Variants in NAV3 observed in about 807,000 individuals in gnomAD.
NAV3 encodes the protein neuron navigator 3.
NAV3 carries 87 observed loss-of-function variants against 244.7 expected under a neutral mutation model. The observed-to-expected ratio is 0.36, with a 90% CI of 0.30 to 0.42. NAV3 has a LOEUF of 0.42. NAV3 is among the 20% of genes least tolerant of loss of function. The probability of loss-of-function intolerance (pLI) is 1.00; values close to 1 mark genes in which losing one functional copy is unlikely to be tolerated. For synonymous variants in NAV3, 1,126 were observed against 1,042.2 expected, an observed-to-expected ratio of 1.08 and a Z score of -1.55; for missense variants, 2,663 against 2,893.3, an observed-to-expected ratio of 0.92 and a Z score of 1.83.
chr12:77,894,760 T>C (rs1884372958), intron 1 of NAV3, among the ~76,000 whole-genome samples: 1 of 152,168 alleles, frequency 6.6e-6, no homozygotes, highest in Admixed American at 6.5e-5. Context: ...ACAGGCTCTG[T>C]ATGAAAGGGA....
At chr12:78,147,690 T>TTCTC (rs1956919852) in intron 21 of NAV3, among the ~76,000 whole-genome samples, 1 of 151,786 alleles carries the variant, frequency 6.6e-6, no homozygotes, top group African/African-American at 2.4e-5. Flanking sequence ...CAGCTTAGAG[T>TTCTC]TCTCTACTTT....
chr12:78,040,730 A>C (rs565572433), intron 9 of NAV3, among the ~76,000 whole-genome samples: 2 of 152,272 alleles, frequency 1.3e-5, no homozygotes, highest in African/African-American at 4.8e-5. Context: ...CCAAGTAAAA[A>C]AAAGGACATC....
intron 2 of NAV3, among the ~76,000 whole-genome samples, chr12:77,703,263 G>A (rs1486998091): frequency 1.3e-5 from 2 of 152,044 alleles, no homozygotes; most frequent in Non-Finnish European, 2.9e-5. Flanking sequence ...ACAATTTGAT[G>A]TAAATGGGAT....
chr12:77,895,737 TG>T (rs1884526611), intron 1 of NAV3, among the ~76,000 whole-genome samples: 1 of 126,430 alleles, frequency 7.9e-6, no homozygotes, highest in South Asian at 2.4e-4. Flanking sequence ...TGTACCCTCT[TG>T]TTTTTTTTTT....
At chr12:77,622,224 A>G (rs766772598) in intron 2 of NAV3, among the ~76,000 whole-genome samples, 6 of 152,028 alleles carry the variant, frequency 3.9e-5, no homozygotes, top group Non-Finnish European at 7.4e-5. Context: ...CAGTGGCGCA[A>G]TCTCGGCTCA....
intron 12 of NAV3, among the ~76,000 whole-genome samples, chr12:78,061,648 T>C (rs571603169): frequency 5.9e-5 from 9 of 152,254 alleles, no homozygotes; most frequent in African/African-American, 2.2e-4. Context: ...TGTATATCAT[T>C]TTAAAATACA....
At chr12:77,686,037 C>T (rs755290797) in intron 2 of NAV3, among the ~76,000 whole-genome samples, 1 of 152,132 alleles carries the variant, frequency 6.6e-6, no homozygotes, top group Non-Finnish European at 1.5e-5. Context: ...GGATTTGACT[C>T]TCTAGATGTG....
intron 2 of NAV3, among the ~76,000 whole-genome samples, chr12:77,750,742 A>G (rs911182410): frequency 1.3e-5 from 2 of 152,160 alleles, no homozygotes; most frequent in Non-Finnish European, 2.9e-5. Context: ...AGCATATGGC[A>G]AGTCATGCTG....
At chr12:77,652,226 G>T (rs1024261503) in intron 2 of NAV3, among the ~76,000 whole-genome samples, 1 of 152,136 alleles carries the variant, frequency 6.6e-6, no homozygotes, top group African/African-American at 2.4e-5. Context: ...ATGAGAAATT[G>T]TGGTTCTGAG....
At chr12:77,857,822 C>T (rs2136303863) in intron 1 of NAV3, among the ~76,000 whole-genome samples, 1 of 151,636 alleles carries the variant, frequency 6.6e-6, no homozygotes, top group South Asian at 2.1e-4. Flanking sequence ...GAAAACTGAA[C>T]CCCCCCAAAC....
chr12:77,593,911 C>T (rs183445205), intron 2 of NAV3, among the ~76,000 whole-genome samples: 1 of 152,260 alleles, frequency 6.6e-6, no homozygotes, highest in Admixed American at 6.5e-5. Flanking sequence ...CATGATTCTT[C>T]TACCTTTGCG....
intron 2 of NAV3, among the ~76,000 whole-genome samples, chr12:77,822,704 T>C (rs1038416257): frequency 3.9e-5 from 6 of 152,204 alleles, no homozygotes; most frequent in Non-Finnish European, 7.4e-5. Context: ...TTTTATTATT[T>C]AAATTTCCTC....
chr12:77,831,617 T>G lies in NAV3; in HGVS notation c.156T>G (p.Leu52=), dbSNP rs1274432708. ...TTACTGAAACAGAGAGCTCCATGCT[T>G]TCTTGTCAGCTTGCGTTAAAATCAA... is the stretch of plus-strand genomic sequence containing the variant. The part of the protein sequence containing the change: ...LELTETESSM[L]SCQLALKSTC... The change falls in exon 1 of 40, where the codon CTT becomes CTG. Residue 52 remains leucine, a synonymous_variant. Transcript: ENST00000397909. 8 of 1,614,056 alleles carry G rather than the reference T, an allele frequency of 5.0e-6. No individual in the cohort carries two copies. Among genetic ancestry groups the G allele is most frequent in the Middle Eastern group, 3.3e-4 (2 of 6,062 alleles).
At chr12:77,860,970 CT>C (rs1565865547) in intron 1 of NAV3, among the ~76,000 whole-genome samples, 3 of 151,984 alleles carry the variant, frequency 2.0e-5, no homozygotes, top group Non-Finnish European at 4.4e-5. Context: ...GTATGTCTGT[CT>C]GTGGAAACAT....
chr12:78,111,923 G>A (rs1314045529), intron 12 of NAV3, among the ~76,000 whole-genome samples: 1 of 152,114 alleles, frequency 6.6e-6, no homozygotes, highest in East Asian at 1.9e-4. Context: ...ATATAGTAAA[G>A]AAATATATAT....
At chr12:77,838,548 A>C (rs148027695) in intron 1 of NAV3, among the ~76,000 whole-genome samples, 2,774 of 152,240 alleles carry the variant, frequency 0.018, 77 homozygotes, top group African/African-American at 0.062. Context: ...TGCCGAACAC[A>C]TTCTTCTCAG....
intron 2 of NAV3, among the ~76,000 whole-genome samples, chr12:77,725,387 C>T (rs1177019231): frequency 6.6e-6 from 1 of 151,916 alleles, no homozygotes; most frequent in East Asian, 1.9e-4. Flanking sequence ...TTTATCATTT[C>T]AGCAGGAAAA....
chr12:78,128,295 A>G (rs962132751), intron 17 of NAV3, among the ~76,000 whole-genome samples: 1 of 150,360 alleles, frequency 6.7e-6, no homozygotes, highest in African/African-American at 2.4e-5. Flanking sequence ...AAAGCTGCCA[A>G]TATGTATTCC....
At chr12:77,663,309 A>G (rs1383293762) in intron 2 of NAV3, among the ~76,000 whole-genome samples, 1 of 152,232 alleles carries the variant, frequency 6.6e-6, no homozygotes, top group South Asian at 2.1e-4. Flanking sequence ...ATATGAAAAC[A>G]TCCCTCGCTT....
Sources: allele counts gnomAD v4.1 joint callset (sites outside exome capture counted in the v4.1 genomes callset), GRCh38; gene constraint gnomAD v4.1.1; transcripts MANE v1.5; gene names NCBI Gene and HGNC (gene_info 2026-07-23, HGNC 2026-07-21).